PTPRQ: variants seen among roughly 807,000 people sequenced by gnomAD.
The protein encoded by PTPRQ is protein tyrosine phosphatase receptor type Q.
In PTPRQ, 199 loss-of-function variants were observed where a neutral mutation model predicts 246.0. That is an observed-to-expected ratio of 0.81 (90% CI 0.72 to 0.91). The LOEUF (loss-of-function observed/expected upper bound fraction) is 0.91. PTPRQ is among the 40% of genes least tolerant of loss of function. The probability of loss-of-function intolerance (pLI) is 0.00; values close to 1 mark genes in which losing one functional copy is unlikely to be tolerated. For synonymous variants in PTPRQ, 869 were observed against 853.2 expected, an observed-to-expected ratio of 1.02 and a Z score of -0.32; for missense variants, 2,624 against 2,528.4, an observed-to-expected ratio of 1.04 and a Z score of -0.81.
intron 14 of PTPRQ, among the ~76,000 whole-genome samples, chr12:80,497,071 C>A (rs2895799): frequency 0.85 from 128,976 of 151,714 alleles, 55,685 homozygotes; most frequent in Non-Finnish European, 0.93. Context: ...TCATGGAAGA[C>A]AATTTTTCCC....
intron 31 of PTPRQ, among the ~76,000 whole-genome samples, 156 bp downstream of exon 31, chr12:80,619,698 C>T (rs1898904330): frequency 1.3e-5 from 2 of 151,274 alleles, no homozygotes; most frequent in South Asian, 4.2e-4. Context: ...CCAATCATTT[C>T]TTTGTAAATA....
chr12:80,607,542 C>A (rs1395221911), intron 27 of PTPRQ, among the ~76,000 whole-genome samples: 1 of 143,838 alleles, frequency 7.0e-6, no homozygotes, highest in African/African-American at 2.5e-5. Context: ...TGTACCAGAA[C>A]TGTGCTAGGT....
At chr12:80,516,299 A>T (rs1895297507) in intron 17 of PTPRQ, among the ~76,000 whole-genome samples, 1 of 152,188 alleles carries the variant, frequency 6.6e-6, no homozygotes, top group African/African-American at 2.4e-5. Context: ...TTCTAAGAGA[A>T]TATACCCTCT....
intron 6 of PTPRQ, among the ~76,000 whole-genome samples, chr12:80,464,087 A>C (rs1332757727): frequency 6.6e-6 from 1 of 152,018 alleles, no homozygotes; most frequent in Non-Finnish European, 1.5e-5. Flanking sequence ...TTAGATAAAG[A>C]GTCAAGACCC....
chr12:80,522,431 G>C (rs1407078932), intron 17 of PTPRQ, among the ~76,000 whole-genome samples: 1 of 152,036 alleles, frequency 6.6e-6, no homozygotes, highest in Admixed American at 6.6e-5. Context: ...GGGCATCCCT[G>C]TCTTGTGCCA....
At chr12:80,568,655 C>T (rs1406131516) in intron 25 of PTPRQ, among the ~76,000 whole-genome samples, 1 of 152,196 alleles carries the variant, frequency 6.6e-6, no homozygotes, top group Non-Finnish European at 1.5e-5. Flanking sequence ...AGCACTCTCA[C>T]TTTTGTTGCT....
intron 3 of PTPRQ, among the ~76,000 whole-genome samples, chr12:80,453,249 T>C (rs4460866): frequency 0.079 from 12,081 of 152,208 alleles, 928 homozygotes; most frequent in African/African-American, 0.2. Flanking sequence ...ATATTCGTTA[T>C]TCTAGTTATA....
At chr12:80,673,127 C>T (rs1334943714) in intron 42 of PTPRQ, 42 bp from the exon 43 acceptor site, 4 of 1,545,808 alleles carry the variant, frequency 2.6e-6, no homozygotes, top group Non-Finnish European at 3.5e-6. Flanking sequence ...AAATGAACAA[C>T]CCTTTGCTGA....
At chr12:80,476,505 G>A (rs555640145) in intron 8 of PTPRQ, among the ~76,000 whole-genome samples, 4 of 152,108 alleles carry the variant, frequency 2.6e-5, no homozygotes, top group South Asian at 2.1e-4. Flanking sequence ...AGTCTTTACC[G>A]GTTACTTCAT....
At chr12:80,594,067 T>C (rs1403073285) in intron 26 of PTPRQ, among the ~76,000 whole-genome samples, 1 of 152,162 alleles carries the variant, frequency 6.6e-6, no homozygotes, top group Non-Finnish European at 1.5e-5. Context: ...AAGAAGTTTC[T>C]AAGGAATGCA....
chr12:80,445,447 A>C, intron 2 of PTPRQ, 44 bp from the exon 3 acceptor site: 1 of 1,204,444 alleles, frequency 8.3e-7, no homozygotes, highest in Non-Finnish European at 1.1e-6. Context: ...GTGAAAATGC[A>C]ATAATTATTT....
At chr12:80,672,300 C>T (rs930684347) in intron 42 of PTPRQ, among the ~76,000 whole-genome samples, 1 of 151,382 alleles carries the variant, frequency 6.6e-6, no homozygotes, top group East Asian at 2.0e-4. Context: ...AATTCAATGG[C>T]TGTGTGGCAT....
At chr12:80,545,047 T>G (rs1565777235) in intron 23 of PTPRQ, among the ~76,000 whole-genome samples, 1 of 152,206 alleles carries the variant, frequency 6.6e-6, no homozygotes, top group Non-Finnish European at 1.5e-5. Context: ...ATCTGTTCAC[T>G]ATCCCATAAA....
chr12:80,466,089 T>C (rs1893396901), intron 6 of PTPRQ, among the ~76,000 whole-genome samples: 1 of 152,208 alleles, frequency 6.6e-6, no homozygotes. Flanking sequence ...GACGACATGA[T>C]TGTGTATCTA....
Position 80,649,668 on chromosome 12 carries a change from C to A in PTPRQ, c.6023C>A (p.Ser2008Ter). The stretch of plus-strand genomic sequence containing the variant: ...AACCTAAAGTTTCAAGAAGAATTTT[C>A]GGTATGTTACTAGCAGTTGTCACAA... ...NNNLKFQEEF[S>*]ELPKFLQDLS... The change falls in exon 37 of 45, where the codon TCG (serine) becomes TAG (stop). Residue 2008 changes from serine (S) to a stop codon, truncating the protein, a stop_gained and splice_region_variant. Coordinates refer to ENST00000644991, the MANE Select transcript of PTPRQ (RefSeq NM_001145026.2). LOFTEE classifies it high-confidence loss of function. The A allele has an allele frequency of 1.9e-6, 3 of 1,547,762 alleles. No homozygotes were observed. Among genetic ancestry groups the A allele is most frequent in the Non-Finnish European group, 2.6e-6 (3 of 1,144,884 alleles).
At chr12:80,500,387 T>A (rs2120674076) in intron 14 of PTPRQ, among the ~76,000 whole-genome samples, 1 of 152,178 alleles carries the variant, frequency 6.6e-6, no homozygotes, top group Middle Eastern at 3.4e-3. Context: ...TTGCTTTATC[T>A]ACCTGATGAT....
intron 39 of PTPRQ, among the ~76,000 whole-genome samples, chr12:80,665,995 C>T (rs1042254169): frequency 2.0e-5 from 3 of 151,920 alleles, no homozygotes; most frequent in African/African-American, 4.8e-5. Flanking sequence ...CACTATTATA[C>T]ACTATTTAGT....
intron 6 of PTPRQ, among the ~76,000 whole-genome samples, chr12:80,463,931 C>T (rs1226708030): frequency 1.3e-5 from 2 of 151,666 alleles, no homozygotes; most frequent in African/African-American, 4.9e-5. Context: ...ATGTAAAGAC[C>T]ATCGAGACTA....
rs575128993 is a variant in PTPRQ, at chr12:80,500,718, T to C, written c.2272+4187T>C. ...TATATTGATTCATTCACTAAACAGC[T>C]TTTATGGGTTCCATATTATGTTCTA... is the stretch of plus-strand genomic sequence containing the variant. On this transcript the variant is annotated intron_variant, in intron 14 of 44. Coordinates refer to ENST00000644991, the MANE Select transcript of PTPRQ (RefSeq NM_001145026.2). Among the ~76,000 whole-genome samples, 12 of 152,152 alleles carry C rather than the reference T, an allele frequency of 7.9e-5. No individual in the cohort carries two copies. In the South Asian group the frequency reaches 2.5e-3, roughly 31 times the overall value.
Sources: gnomAD v4.1 joint callset for allele counts (sites outside exome capture counted in the v4.1 genomes callset) on GRCh38, gnomAD v4.1.1 for gene constraint, MANE v1.5 for transcripts, NCBI Gene and HGNC (gene_info 2026-07-23, HGNC 2026-07-21) for gene names.